Variants in BCAR3 observed in about 807,000 individuals in gnomAD.
BCAR3 encodes the protein breast cancer anti-estrogen resistance protein 3.
In BCAR3, 37 loss-of-function variants were observed where a neutral mutation model predicts 80.1. That is an observed-to-expected ratio of 0.46 (90% CI 0.36 to 0.61). BCAR3 has a LOEUF of 0.61. Among genes scored for constraint, BCAR3 ranks in the 20% least tolerant of loss-of-function variants. The pLI is 0.00. For synonymous variants in BCAR3, 389 were observed against 418.9 expected (o/e 0.93, Z 0.87); for missense variants, 978 against 1,068.2 (o/e 0.92, Z 1.18).
chr1:93,605,718 CAATAAG>C (rs1674753307), intron 3 of BCAR3: 2 of 152,198 alleles, frequency 1.3e-5, no homozygotes, highest in South Asian at 4.1e-4. Context: ...ATTTGCTCTT[CAATAAG>C]AATGTCAGCA....
At chr1:93,780,185 T>C (rs997412479) in intron 2 of BCAR3, among the ~76,000 whole-genome samples, 1 of 152,168 alleles carries the variant, frequency 6.6e-6, no homozygotes, top group Non-Finnish European at 1.5e-5. Context: ...TTTTCCCACA[T>C]CCTGTGGGGA....
intron 3 of BCAR3, among the ~76,000 whole-genome samples, chr1:93,611,239 C>A (rs1225196192): frequency 6.6e-6 from 1 of 152,134 alleles, no homozygotes; most frequent in Non-Finnish European, 1.5e-5. Context: ...TGTGGTAAGT[C>A]TTTGAAGGCA....
chr1:93,777,824 G>A (rs1323871853), intron 2 of BCAR3, among the ~76,000 whole-genome samples: 1 of 152,192 alleles, frequency 6.6e-6, no homozygotes, highest in East Asian at 1.9e-4. Context: ...TATGGCAAAT[G>A]TAGATTCCTT....
At chr1:93,837,339 G>C (rs1654808381) in intron 2 of BCAR3, among the ~76,000 whole-genome samples, 1 of 152,190 alleles carries the variant, frequency 6.6e-6, no homozygotes, top group Admixed American at 6.5e-5. Context: ...GTTCATTTAA[G>C]CCTCAGTTGC....
intron 2 of BCAR3, among the ~76,000 whole-genome samples, chr1:93,780,344 G>T (rs1487568407): frequency 6.6e-6 from 1 of 152,152 alleles, no homozygotes; most frequent in Non-Finnish European, 1.5e-5. Context: ...CTGAGGAATT[G>T]ACTCATAATG....
chr1:93,798,073 G>T (rs567578330), intron 2 of BCAR3, among the ~76,000 whole-genome samples: 1 of 152,156 alleles, frequency 6.6e-6, no homozygotes, highest in Non-Finnish European at 1.5e-5. Context: ...TGTGGGTGAG[G>T]GTTTCCAGTA....
chr1:93,786,688 C>G (rs548740069), intron 2 of BCAR3, among the ~76,000 whole-genome samples: 1 of 152,174 alleles, frequency 6.6e-6, no homozygotes, highest in African/African-American at 2.4e-5. Flanking sequence ...GCACAGATAC[C>G]AAAATTTTTA....
intron 3 of BCAR3, among the ~76,000 whole-genome samples, chr1:93,606,343 A>G (rs1224491905): frequency 2.6e-5 from 4 of 152,246 alleles, no homozygotes; most frequent in Non-Finnish European, 4.4e-5. Context: ...CCTGTGGGCT[A>G]AACAGTGAGC....
chr1:93,598,277 C>T (rs1273405759), intron 3 of BCAR3, among the ~76,000 whole-genome samples: 1 of 152,166 alleles, frequency 6.6e-6, no homozygotes, highest in Non-Finnish European at 1.5e-5. Context: ...CTTGGGCGAT[C>T]TGTCAGAAAC....
At chr1:93,783,112 C>G (rs2100762048) in intron 2 of BCAR3, among the ~76,000 whole-genome samples, 1 of 152,258 alleles carries the variant, frequency 6.6e-6, no homozygotes, top group South Asian at 2.1e-4. Context: ...TGCTCAACCA[C>G]TTGGGTAAAC....
intron 2 of BCAR3, among the ~76,000 whole-genome samples, chr1:93,666,246 C>T (rs991529936): frequency 1.9e-4 from 29 of 152,160 alleles, no homozygotes; most frequent in Admixed American, 1.9e-3. Context: ...ACAACGTGAG[C>T]CACATGGGTA....
chr1:93,693,037 G>A (rs1158725144), intron 3 of BCAR3, among the ~76,000 whole-genome samples: 1 of 152,178 alleles, frequency 6.6e-6, no homozygotes, highest in East Asian at 1.9e-4. Context: ...TCCTGGGGCT[G>A]TGGAGCAGCT....
At chr1:93,606,518 G>A (rs1674776233) in intron 3 of BCAR3, among the ~76,000 whole-genome samples, 2 of 152,194 alleles carry the variant, frequency 1.3e-5, no homozygotes, top group Non-Finnish European at 1.5e-5. Flanking sequence ...AGATGACTGA[G>A]CCACCAACAT....
At chr1:93,758,856 A>T (rs4314890) in intron 2 of BCAR3, among the ~76,000 whole-genome samples, 108,608 of 152,152 alleles carry the variant, frequency 0.71, 39,753 homozygotes, top group African/African-American at 0.87. Flanking sequence ...AGAGGCTGTT[A>T]GAGAACCGAA....
rs1316578603 is a variant in BCAR3, at chr1:93,802,169, G to A, written c.-63+43398C>T. 3.3e-5 allele frequency among the ~76,000 whole-genome samples: 5 copies of A among 151,968 alleles called. 1 individual carries two copies. ...TTTAAAATTAAAAAAAATTAGCCAGGTGTGGTGATGTGTGCCTGTAGTCCC... is the reference window on the plus strand; with the variant it reads ...TTTAAAATTAAAAAAAATTAGCCAGATGTGGTGATGTGTGCCTGTAGTCCC... On this transcript the variant is annotated intron_variant, in intron 2 of 13. Coordinates refer to the BCAR3 transcript ENST00000370244.
At chr1:93,815,082 C>T (rs116334524) in intron 2 of BCAR3, among the ~76,000 whole-genome samples, 424 of 152,280 alleles carry the variant, frequency 2.8e-3, no homozygotes, top group African/African-American at 9.5e-3. Flanking sequence ...CCCCACAGAG[C>T]TACAGTTTAT....
chr1:93,601,977 GCC>G (rs1439052700), intron 3 of BCAR3, among the ~76,000 whole-genome samples: 1 of 152,100 alleles, frequency 6.6e-6, no homozygotes, highest in Non-Finnish European at 1.5e-5. Context: ...AACAGTCCAG[GCC>G]TCTTATCAAA....
intron 2 of BCAR3, among the ~76,000 whole-genome samples, chr1:93,844,703 CTTT>C (rs11363783): frequency 2.4e-4 from 34 of 140,466 alleles, no homozygotes; most frequent in African/African-American, 7.9e-4. Context: ...TGACTTTCTT[CTTT>C]TTTTTTTTTT....
chr1:93,740,564 T>C (rs1651141431), intron 2 of BCAR3, among the ~76,000 whole-genome samples: 1 of 152,214 alleles, frequency 6.6e-6, no homozygotes, highest in Admixed American at 6.5e-5. Flanking sequence ...TTGTCCACTC[T>C]GCTCACTCAA....
Sources: gnomAD v4.1 joint callset for allele counts (sites outside exome capture counted in the v4.1 genomes callset) on GRCh38, gnomAD v4.1.1 for gene constraint, MANE v1.5 for transcripts, NCBI Gene and HGNC (gene_info 2026-07-23, HGNC 2026-07-21) for gene names.